The following NCOA2 variants were observed in gnomAD, a reference collection of about 807,000 sequenced individuals.
The protein encoded by NCOA2 is class E basic helix-loop-helix protein 75.
A neutral mutation model predicts 145.1 loss-of-function variants in NCOA2; 21 were observed. The ratio of observed to expected loss-of-function variants is 0.14; its 90% CI spans 0.10 to 0.21. The LOEUF is 0.21. Among genes scored for constraint, NCOA2 ranks in the 10% least tolerant of loss-of-function variants. The pLI is 1.00. For synonymous variants in NCOA2, 619 were observed against 637.5 expected (o/e 0.97, Z 0.44); for missense variants, 1,472 against 1,837.6 (o/e 0.80, Z 3.64).
chr8:70,262,866 C>T (rs1011127586), intron 2 of NCOA2, among the ~76,000 whole-genome samples: 17 of 152,040 alleles, frequency 1.1e-4, no homozygotes, highest in Non-Finnish European at 1.9e-4. Flanking sequence ...TTTTCCTATG[C>T]ACAGATACCT....
intron 2 of NCOA2, among the ~76,000 whole-genome samples, chr8:70,283,466 A>G (rs1460183193): frequency 6.6e-6 from 1 of 152,216 alleles, no homozygotes; most frequent in African/African-American, 2.4e-5. Context: ...AAGATCTCAC[A>G]GCTACCACCT....
In NCOA2 at chr8:70,369,877, CTT is replaced by C. The variant is rs35798436; in HGVS notation, c.-77+33821_-77+33822del. 3.2e-3 allele frequency among the ~76,000 whole-genome samples: 463 copies of C among 145,676 alleles called. 5 individuals are homozygous for C. The highest frequency in any genetic ancestry group is 0.011 in the African/African-American group (450 of 39,932). On this transcript the variant is annotated intron_variant, in intron 1 of 22. Coordinates refer to ENST00000452400, the MANE Select transcript of NCOA2 (RefSeq NM_006540.4). ...AAAGGCAGAATAGTGCCTCATTAAT[CTT>C]TTTTTTTTTTCAGGATTATAAACTG...
chr8:70,392,753 C>T (rs968142074), intron 1 of NCOA2, among the ~76,000 whole-genome samples: 1 of 152,208 alleles, frequency 6.6e-6, no homozygotes, highest in Non-Finnish European at 1.5e-5. Flanking sequence ...AAAACTGATA[C>T]TATTAATCCC....
At chr8:70,277,227 T>C (rs896979441) in intron 2 of NCOA2, among the ~76,000 whole-genome samples, 2 of 152,340 alleles carry the variant, frequency 1.3e-5, no homozygotes, top group African/African-American at 4.8e-5. Flanking sequence ...ATAACATTTC[T>C]GCAATAAAGC....
chr8:70,179,666 A>G lies in NCOA2; in HGVS notation c.260-4807T>C, dbSNP rs535995856. On this transcript the variant is annotated intron_variant, in intron 4 of 22. Coordinates refer to ENST00000452400, the MANE Select transcript of NCOA2 (RefSeq NM_006540.4). ...AGTTTTCTCAGCGGTCACAAACTAT[A>G]TTTACTTTTCTATCTTTTGCATCCA... Among the ~76,000 whole-genome samples, 13 of 152,286 alleles carry G rather than the reference A, an allele frequency of 8.5e-5. No individual in the cohort carries two copies. The South Asian group carries it at 1.5e-3, about 17-fold the overall frequency.
chr8:70,163,363 A>T, intron 8 of NCOA2, 102 bp downstream of exon 8: 1 of 775,588 alleles, frequency 1.3e-6, no homozygotes, highest in Non-Finnish European at 2.1e-6. Flanking sequence ...AGCAATTGCT[A>T]GTACTAGCAT....
chr8:70,453,130 C>G, the NCOA2 span, among the ~76,000 whole-genome samples: 1 of 152,216 alleles, frequency 6.6e-6, no homozygotes, highest in Non-Finnish European at 1.5e-5. Context: ...GGAGCCTATT[C>G]GCCTAATGTT....
At chr8:70,198,704 G>A (rs1295640018) in intron 4 of NCOA2, among the ~76,000 whole-genome samples, 1 of 152,212 alleles carries the variant, frequency 6.6e-6, no homozygotes, top group South Asian at 2.1e-4. Context: ...TGTGGGGAAG[G>A]AAGAGGTAAA....
chr8:70,455,782 A>G, the NCOA2 span, among the ~76,000 whole-genome samples: 2 of 152,094 alleles, frequency 1.3e-5, no homozygotes, highest in East Asian at 3.9e-4. Context: ...TGTTTAGATC[A>G]TCTGAAGAAC....
chr8:70,165,535 C>A (rs555622712), intron 7 of NCOA2, among the ~76,000 whole-genome samples: 1 of 152,212 alleles, frequency 6.6e-6, no homozygotes, highest in Non-Finnish European at 1.5e-5. Flanking sequence ...CTGCTCCCCA[C>A]GCACAATGCA....
chr8:70,435,129 T>G, the NCOA2 span, among the ~76,000 whole-genome samples: 1 of 152,042 alleles, frequency 6.6e-6, no homozygotes, highest in Non-Finnish European at 1.5e-5. Flanking sequence ...CTGCTCTCAT[T>G]AAGAATACAC....
At chr8:70,424,436 G>T in the NCOA2 span, 1 of 476,406 alleles carries the variant, frequency 2.1e-6, no homozygotes, top group South Asian at 1.6e-5. Context: ...GTTAGTGTCT[G>T]CTTTCTCAAT....
the NCOA2 span, among the ~76,000 whole-genome samples, chr8:70,438,894 A>G: frequency 6.6e-6 from 1 of 152,216 alleles, no homozygotes; most frequent in Non-Finnish European, 1.5e-5. Flanking sequence ...ATATCTGAAT[A>G]GAGGGCATTC....
chr8:70,283,085 A>T (rs1826001270), intron 2 of NCOA2, among the ~76,000 whole-genome samples: 1 of 152,202 alleles, frequency 6.6e-6, no homozygotes, highest in African/African-American at 2.4e-5. Context: ...TGCTGACTTA[A>T]CTCAGGATCT....
At chr8:70,285,497 T>C (rs189009992) in intron 2 of NCOA2, among the ~76,000 whole-genome samples, 125 of 152,360 alleles carry the variant, frequency 8.2e-4, no homozygotes, top group African/African-American at 2.9e-3. Context: ...TGGCAGGTTG[T>C]AGCCTTCATA....
intron 4 of NCOA2, among the ~76,000 whole-genome samples, chr8:70,176,008 G>T (rs1471021459): frequency 6.6e-6 from 1 of 152,120 alleles, no homozygotes; most frequent in African/African-American, 2.4e-5. Context: ...AGCTTTCACA[G>T]AGGGGAGGAT....
intron 1 of NCOA2, among the ~76,000 whole-genome samples, chr8:70,320,070 T>A (rs1200165815): frequency 2.0e-5 from 3 of 152,212 alleles, no homozygotes; most frequent in African/African-American, 7.2e-5. Context: ...AAATTCACTT[T>A]TCAAAATTTT....
chr8:70,265,544 A>T (rs1278609289), intron 2 of NCOA2, among the ~76,000 whole-genome samples: 1 of 152,248 alleles, frequency 6.6e-6, no homozygotes, highest in African/African-American at 2.4e-5. Context: ...ATAAGACACT[A>T]GTTCTCAGAG....
chr8:70,338,769 T>G (rs4738088), intron 1 of NCOA2, among the ~76,000 whole-genome samples: 10,203 of 152,158 alleles, frequency 0.067, 441 homozygotes, highest in East Asian at 0.16. Flanking sequence ...GTATGCTTCA[T>G]CCCCAGGGTG....
Sources: gnomAD v4.1 joint callset for allele counts (sites outside exome capture counted in the v4.1 genomes callset) on GRCh38, gnomAD v4.1.1 for gene constraint, MANE v1.5 for transcripts, NCBI Gene and HGNC (gene_info 2026-07-23, HGNC 2026-07-21) for gene names.